The following SDCCAG8 variants were observed in gnomAD, a reference collection of about 807,000 sequenced individuals.
SDCCAG8 encodes serologically defined colon cancer antigen 8.
SDCCAG8 carries 74 observed loss-of-function variants against 101.8 expected under a neutral mutation model. The ratio of observed to expected loss-of-function variants is 0.73; its 90% confidence interval spans 0.60 to 0.88. The LOEUF is 0.88. SDCCAG8 is among the 40% of genes least tolerant of loss of function. The pLI, the probability that SDCCAG8 is intolerant of heterozygous loss-of-function variation, is 0.00. For synonymous variants in SDCCAG8, 281 were observed against 292.9 expected, an observed-to-expected ratio of 0.96 and a Z score of 0.41; for missense variants, 787 against 822.6, an observed-to-expected ratio of 0.96 and a Z score of 0.53.
chr1:243,412,187 A>C (rs1319225012), intron 13 of SDCCAG8, among the ~76,000 whole-genome samples: 1 of 152,170 alleles, frequency 6.6e-6, no homozygotes, highest in Non-Finnish European at 1.5e-5. Flanking sequence ...ATAAATACTT[A>C]ATGCATTGAT....
At chr1:243,406,653 G>A (rs1274565475) in intron 13 of SDCCAG8, among the ~76,000 whole-genome samples, 2 of 152,040 alleles carry the variant, frequency 1.3e-5, no homozygotes, top group Non-Finnish European at 2.9e-5. Context: ...CAGGACGAGG[G>A]CCTTAAAAAT....
intron 4 of SDCCAG8, among the ~76,000 whole-genome samples, chr1:243,275,872 T>G (rs2068516373): frequency 7.2e-6 from 1 of 139,766 alleles, no homozygotes; most frequent in South Asian, 2.4e-4. Flanking sequence ...TTTTTTTTTT[T>G]TTTTTTTTTT....
chr1:243,406,173 G>A (rs183423634), intron 13 of SDCCAG8, among the ~76,000 whole-genome samples: 62 of 152,254 alleles, frequency 4.1e-4, no homozygotes, highest in African/African-American at 1.4e-3. Context: ...TGGAAAATAT[G>A]AATTTTTGAA....
chr1:243,395,419 G>C (rs2078978020), intron 13 of SDCCAG8, among the ~76,000 whole-genome samples: 1 of 152,166 alleles, frequency 6.6e-6, no homozygotes, highest in African/African-American at 2.4e-5. Context: ...TAACAAACTT[G>C]CTGGGAAAAC....
chr1:243,306,835 G>T (rs1354378175), intron 7 of SDCCAG8, among the ~76,000 whole-genome samples: 1 of 151,736 alleles, frequency 6.6e-6, no homozygotes, highest in Non-Finnish European at 1.5e-5. Flanking sequence ...CCCTTAGATT[G>T]CCTGTGGGTC....
chr1:243,377,613 T>C (rs866570566), intron 12 of SDCCAG8, among the ~76,000 whole-genome samples: 1 of 151,956 alleles, frequency 6.6e-6, no homozygotes, highest in South Asian at 2.1e-4. Context: ...AAAATGTAAA[T>C]GAATTATTTA....
At chr1:243,314,607 T>G (rs2451667) in intron 8 of SDCCAG8, among the ~76,000 whole-genome samples, 143,516 of 152,276 alleles carry the variant, frequency 0.94, 68,227 homozygotes, top group East Asian at 1. Context: ...ATTCTGAAAA[T>G]AGATAAAGTC....
chr1:243,453,342 A>G (rs2083501861), intron 16 of SDCCAG8, among the ~76,000 whole-genome samples: 1 of 152,192 alleles, frequency 6.6e-6, no homozygotes, highest in Non-Finnish European at 1.5e-5. Flanking sequence ...TCAATGCAAC[A>G]TAAAAGTCCA....
chr1:243,493,983 A>G (rs115137638), intron 17 of SDCCAG8, among the ~76,000 whole-genome samples: 1,680 of 152,194 alleles, frequency 0.011, 32 homozygotes, highest in African/African-American at 0.039. Context: ...CAGGCTGCCC[A>G]TGTTAGGCCT....
chr1:243,392,731 G>T (rs1296980640), intron 13 of SDCCAG8, among the ~76,000 whole-genome samples: 2 of 152,184 alleles, frequency 1.3e-5, no homozygotes, highest in African/African-American at 4.8e-5. Flanking sequence ...GACAACTCAC[G>T]TAACTAATCA....
intron 15 of SDCCAG8, among the ~76,000 whole-genome samples, chr1:243,421,830 G>A (rs960444736): frequency 6.6e-6 from 1 of 152,174 alleles, no homozygotes; most frequent in African/African-American, 2.4e-5. Context: ...TAGTTATGGG[G>A]TTGTTTTTTG....
chr1:243,266,811 C>T (rs2067635106), intron 1 of SDCCAG8, among the ~76,000 whole-genome samples: 1 of 146,516 alleles, frequency 6.8e-6, no homozygotes, highest in African/African-American at 2.5e-5. Context: ...GGCACTGTGG[C>T]ACATGCCTGC....
At chr1:243,451,666 T>C (rs1327502806) in intron 16 of SDCCAG8, among the ~76,000 whole-genome samples, 1 of 152,186 alleles carries the variant, frequency 6.6e-6, no homozygotes. Context: ...GGCTCATGCC[T>C]GTAATCCCAG....
intron 9 of SDCCAG8, among the ~76,000 whole-genome samples, chr1:243,327,732 C>G (rs1306738489): frequency 6.6e-6 from 1 of 151,858 alleles, no homozygotes; most frequent in Non-Finnish European, 1.5e-5. Flanking sequence ...TTTACTAGAC[C>G]CAAATCTTTT....
chr1:243,267,966 G>T (rs2067766006), intron 1 of SDCCAG8: 1 of 783,454 alleles, frequency 1.3e-6, no homozygotes, highest in Non-Finnish European at 2.4e-6. Flanking sequence ...AATCAGGAAA[G>T]GTGTTGCGGA....
rs558559290 is a variant in SDCCAG8 at position 243,451,619 on chromosome 1, C to T, written c.1985+25061C>T. Among the ~76,000 whole-genome samples the T allele has an allele frequency of 3.9e-5, 6 of 152,180 alleles. No homozygotes were observed. The South Asian group carries it at 8.3e-4, about 21-fold the overall frequency. ...GTACACACATGCATACAGACACTTA[C>T]GTATATATACTAAAGGAAATTTAAG... On this transcript the variant is annotated intron_variant, in intron 16 of 17. Coordinates refer to ENST00000366541, the MANE Select transcript of SDCCAG8 (RefSeq NM_006642.5).
At chr1:243,442,260 C>T (rs1384175517) in intron 16 of SDCCAG8, among the ~76,000 whole-genome samples, 1 of 152,182 alleles carries the variant, frequency 6.6e-6, no homozygotes. Context: ...TGTGTATCTG[C>T]ACCTCTGGTA....
chr1:243,295,496 A>C lies in SDCCAG8; in HGVS notation c.675+2277A>C, dbSNP rs529587732. 1.6e-4 allele frequency among the ~76,000 whole-genome samples: 24 copies of C among 152,216 alleles called. 1 individual carries two copies. In the South Asian group the frequency reaches 4.0e-3, roughly 25 times the overall value. On this transcript the variant is annotated intron_variant, in intron 6 of 17. Transcript: ENST00000366541. ...CGTAATCCACCCGCCTCGGCCTCCC[A>C]AAGTGCTGGGATTACAGGCATGAGC...
intron 8 of SDCCAG8, 50 bp from the exon 9 acceptor site, chr1:243,316,705 C>T: frequency 6.2e-7 from 1 of 1,611,300 alleles, no homozygotes; most frequent in Non-Finnish European, 8.5e-7. Flanking sequence ...CTTATGAGGA[C>T]AGGATCGTTT....
Sources: allele counts gnomAD v4.1 joint callset (sites outside exome capture counted in the v4.1 genomes callset), GRCh38; gene constraint gnomAD v4.1.1; transcripts MANE v1.5; gene names NCBI Gene and HGNC (gene_info 2026-07-23, HGNC 2026-07-21).